Variants in STPG2 observed in about 807,000 individuals in gnomAD.
STPG2 encodes the protein sperm-tail PG-rich repeat-containing protein 2.
Under a neutral mutation model 54.2 loss-of-function variants are expected in STPG2, and 56 were observed. The observed-to-expected ratio is 1.03, with a 90% CI of 0.83 to 1.29. STPG2 has a LOEUF of 1.29. Ranked by LOEUF, STPG2 falls within the 50% of genes most tolerant of loss-of-function variation. STPG2 has a pLI of 0.00. For synonymous variants in STPG2, 200 were observed against 181.8 expected (o/e 1.10, Z -0.81); for missense variants, 596 against 544.9 (o/e 1.09, Z -0.93).
In STPG2 at chr4:97,508,897, A is replaced by G. The variant is rs191658138; in HGVS notation, c.462+203802T>C. Reference sequence around the variant, plus strand: ...AGAGAAGCAAACACTCTAACTACCCATCTCTTGCATCATAAAAATTCTTCC... The same window carrying G: ...AGAGAAGCAAACACTCTAACTACCCGTCTCTTGCATCATAAAAATTCTTCC... On this transcript the variant is annotated intron_variant, in intron 4 of 4. Coordinates refer to the STPG2 transcript ENST00000522676. Among the ~76,000 whole-genome samples the G allele has an allele frequency of 4.0e-3, 613 of 152,248 alleles. 3 individuals carry two copies. Among genetic ancestry groups the G allele is most frequent in the Non-Finnish European group, 6.9e-3 (472 of 68,004 alleles).
At chr4:97,854,441 T>C (rs1470047061) in intron 8 of STPG2, among the ~76,000 whole-genome samples, 1 of 124,560 alleles carries the variant, frequency 8.0e-6, no homozygotes, top group Non-Finnish European at 1.7e-5. Flanking sequence ...ACTTTAGTTA[T>C]TATTAAATAA....
chr4:98,053,837 T>C (rs1295037871), intron 5 of STPG2, among the ~76,000 whole-genome samples: 3 of 152,260 alleles, frequency 2.0e-5, no homozygotes, highest in South Asian at 2.1e-4. Flanking sequence ...AAGATAGTTA[T>C]ATATGATTTT....
At chr4:97,958,183 G>T (rs1733755209) in intron 7 of STPG2, among the ~76,000 whole-genome samples, 1 of 151,938 alleles carries the variant, frequency 6.6e-6, no homozygotes, top group Non-Finnish European at 1.5e-5. Flanking sequence ...GATGGTGAGT[G>T]CCTCTAATCC....
intron 9 of STPG2, among the ~76,000 whole-genome samples, chr4:97,818,119 C>T (rs1270351849): frequency 6.6e-6 from 1 of 151,748 alleles, no homozygotes; most frequent in Non-Finnish European, 1.5e-5. Flanking sequence ...ACTATGTGAG[C>T]TTTTATTGAT....
intron 8 of STPG2, among the ~76,000 whole-genome samples, chr4:97,892,057 G>A (rs1730792204): frequency 6.6e-6 from 1 of 151,828 alleles, no homozygotes. Flanking sequence ...TTCCACTCAG[G>A]TATCTACTTT....
chr4:97,476,066 T>G (rs1730063719), intron 4 of STPG2, among the ~76,000 whole-genome samples: 1 of 152,196 alleles, frequency 6.6e-6, no homozygotes, highest in Non-Finnish European at 1.5e-5. Context: ...TAAAGACATG[T>G]GGGCATTTAG....
At chr4:98,026,681 T>C (rs1355572894) in intron 5 of STPG2, among the ~76,000 whole-genome samples, 1 of 152,192 alleles carries the variant, frequency 6.6e-6, no homozygotes, top group Non-Finnish European at 1.5e-5. Flanking sequence ...CTGACTCCAG[T>C]GAACTTCTTT....
intron 5 of STPG2, among the ~76,000 whole-genome samples, chr4:98,090,841 A>G (rs372659745): frequency 1.3e-5 from 2 of 152,084 alleles, no homozygotes; most frequent in African/African-American, 4.8e-5. Flanking sequence ...AATTTAATGC[A>G]AAGGCTGGTT....
At chr4:97,684,536 G>A (rs1039175114) in intron 10 of STPG2, among the ~76,000 whole-genome samples, 4 of 151,738 alleles carry the variant, frequency 2.6e-5, no homozygotes, top group East Asian at 1.9e-4. Context: ...ACATTCACAC[G>A]CAAAAAATAA....
intron 9 of STPG2, among the ~76,000 whole-genome samples, chr4:97,827,780 A>G (rs557377109): frequency 1.3e-5 from 2 of 152,312 alleles, no homozygotes; most frequent in South Asian, 2.1e-4. Flanking sequence ...ACGGAATCAA[A>G]CTTGACTTAT....
chr4:98,113,684 CATT>C (rs1397464156), intron 3 of STPG2, among the ~76,000 whole-genome samples: 4 of 151,660 alleles, frequency 2.6e-5, no homozygotes, highest in African/African-American at 2.4e-5. Flanking sequence ...TTCTTAATAG[CATT>C]ATTATTATTA....
At chr4:98,028,058 G>A (rs1736481139) in intron 5 of STPG2, among the ~76,000 whole-genome samples, 1 of 152,130 alleles carries the variant, frequency 6.6e-6, no homozygotes. Flanking sequence ...GATGGCTGAA[G>A]GGATCCATGA....
chr4:97,984,070 T>A (rs1734757017), intron 5 of STPG2, among the ~76,000 whole-genome samples: 1 of 43,978 alleles, frequency 2.3e-5, no homozygotes, highest in Non-Finnish European at 5.8e-5. Flanking sequence ...AAACTTGTGA[T>A]ATTCTAAGAT....
At chr4:98,005,282 ATGTTAATCTCC>A (rs1394409863) in intron 5 of STPG2, among the ~76,000 whole-genome samples, 1 of 152,078 alleles carries the variant, frequency 6.6e-6, no homozygotes, top group Non-Finnish European at 1.5e-5. Context: ...AGTGACTCAA[ATGTTAATCTCC>A]TTTGGCAACA....
At chr4:98,068,338 T>C (rs1462420101) in intron 5 of STPG2, among the ~76,000 whole-genome samples, 1 of 152,170 alleles carries the variant, frequency 6.6e-6, no homozygotes. Context: ...TAGCATTTGT[T>C]TCTGTGATGC....
chr4:97,905,933 G>A (rs1156469493), intron 8 of STPG2, among the ~76,000 whole-genome samples: 11 of 151,930 alleles, frequency 7.2e-5, no homozygotes, highest in South Asian at 2.1e-4. Context: ...CAAAATTGAC[G>A]CCCTAACATC....
chr4:97,671,628 T>G (rs1345661015), intron 10 of STPG2, among the ~76,000 whole-genome samples: 1 of 152,246 alleles, frequency 6.6e-6, no homozygotes, highest in East Asian at 1.9e-4. Flanking sequence ...AATCATTCAA[T>G]GAATACTTAT....
chr4:97,717,735 TAC>T (rs1724334867), intron 9 of STPG2, among the ~76,000 whole-genome samples: 1 of 152,126 alleles, frequency 6.6e-6, no homozygotes, highest in Admixed American at 6.5e-5. Context: ...GTGGGTGTAA[TAC>T]AGTTTCTGTG....
chr4:97,540,999 C>A (rs1330938981), intron 4 of STPG2, among the ~76,000 whole-genome samples: 2 of 152,016 alleles, frequency 1.3e-5, no homozygotes, highest in African/African-American at 4.8e-5. Context: ...TATGACAAAC[C>A]CACAGCCAAT....
Sources: gnomAD v4.1 joint callset for allele counts (sites outside exome capture counted in the v4.1 genomes callset) on GRCh38, gnomAD v4.1.1 for gene constraint, MANE v1.5 for transcripts, NCBI Gene and HGNC (gene_info 2026-07-23, HGNC 2026-07-21) for gene names.